The following C16orf46 variants were observed in gnomAD, a reference collection of about 807,000 sequenced individuals.
The protein encoded by C16orf46 is uncharacterized protein C16orf46.
C16orf46 carries 7 observed loss-of-function variants against 5.5 expected under a neutral mutation model. That is an observed-to-expected ratio of 1.28 (90% confidence interval 0.73 to 2.40). C16orf46 has a LOEUF of 2.40. Among genes scored for constraint, C16orf46 ranks in the 30% most tolerant of loss-of-function variants. C16orf46 has a pLI of 0.00. For synonymous variants in C16orf46, 200 were observed against 184.1 expected (o/e 1.09, Z -0.70); for missense variants, 614 against 476.0 (o/e 1.29, Z -2.70).
intron 1 of C16orf46, among the ~76,000 whole-genome samples, chr16:81,069,438 G>A (rs1485224716): frequency 6.6e-6 from 1 of 152,232 alleles, no homozygotes; most frequent in African/African-American, 2.4e-5. Flanking sequence ...CAACTGTGAT[G>A]CAGAGTGTGA....
At chr16:81,062,309 TAAA>T (rs201312033) in intron 3 of C16orf46, among the ~76,000 whole-genome samples, 171 bp from the exon 4 acceptor site, 1 of 149,550 alleles carries the variant, frequency 6.7e-6, no homozygotes, top group African/African-American at 2.5e-5. Context: ...TTCATTCACT[TAAA>T]AAAAAAATCC....
intron 1 of C16orf46, among the ~76,000 whole-genome samples, chr16:81,071,772 TCTCTAAGAGAATAA>T (rs1971862633): frequency 1.3e-5 from 2 of 151,964 alleles, no homozygotes; most frequent in South Asian, 4.2e-4. Flanking sequence ...ATATACCGAG[TCTCTAAGAGAATAA>T]CTCATTAGTG....
intron 3 of C16orf46, 45 bp from the exon 4 acceptor site, chr16:81,062,183 A>T (rs1427864215): frequency 6.7e-7 from 1 of 1,500,232 alleles, no homozygotes; most frequent in Non-Finnish European, 8.9e-7. Context: ...AGGGGCCCAA[A>T]CTGTCCTTGC....
intron 1 of C16orf46, chr16:81,076,809 C>G (rs1972058307): frequency 6.6e-6 from 1 of 152,536 alleles, no homozygotes; most frequent in Non-Finnish European, 1.5e-5. Flanking sequence ...CTAGCTCTTC[C>G]CCTTCCTCCG....
At chr16:81,075,226 A>C (rs781079812) in intron 1 of C16orf46, among the ~76,000 whole-genome samples, 2 of 150,786 alleles carry the variant, frequency 1.3e-5, no homozygotes, top group Non-Finnish European at 2.9e-5. Flanking sequence ...ACCTACCAAG[A>C]GTTATAGAAG....
intron 1 of C16orf46, chr16:81,070,040 G>C (rs902599102): frequency 1.3e-5 from 2 of 152,030 alleles, no homozygotes; most frequent in Non-Finnish European, 2.9e-5. Context: ...GCAGAGAACT[G>C]CTTGAACCCA....
At chr16:81,066,955 G>C (rs894999059) in intron 1 of C16orf46, among the ~76,000 whole-genome samples, 1 of 152,302 alleles carries the variant, frequency 6.6e-6, no homozygotes, top group Non-Finnish European at 1.5e-5. Context: ...AAATATGTAG[G>C]CCAGAAGGTA....
exon 4 of C16orf46, chr16:81,053,989 T>A: frequency 1.1e-5 from 16 of 1,438,052 alleles, no homozygotes; most frequent in Non-Finnish European, 1.6e-5. Flanking sequence ...CGCTTTTCCA[T>A]GTCCTGGGTG....
intron 2 of C16orf46, 108 bp from the exon 3 acceptor site, chr16:81,064,101 C>A (rs1016514046): frequency 4.9e-6 from 3 of 618,416 alleles, no homozygotes; most frequent in Non-Finnish European, 8.1e-6. Flanking sequence ...GGAATATGGC[C>A]GGCCGCGGTG....
intron 1 of C16orf46, chr16:81,072,089 A>AG (rs1269611570): frequency 6.6e-6 from 1 of 152,318 alleles, no homozygotes; most frequent in Non-Finnish European, 1.5e-5. Flanking sequence ...ACAGAATGGA[A>AG]GAAGCCTAGA....
chr16:81,060,130 T>C (rs1971421309), downstream of C16orf46, among the ~76,000 whole-genome samples: 2 of 151,930 alleles, frequency 1.3e-5, no homozygotes, highest in South Asian at 2.1e-4. Flanking sequence ...GGCTGGATTT[T>C]GTAGCACTGT....
chr16:81,065,868 C>T lies in C16orf46; in HGVS notation c.-39+325G>A, dbSNP rs141114616. Among the ~76,000 whole-genome samples, 782 of 150,686 alleles carry T rather than the reference C, an allele frequency of 5.2e-3. 7 individuals carry two copies. The highest frequency in any genetic ancestry group is 0.018 in the African/African-American group (749 of 40,542). On this transcript the variant is annotated intron_variant, in intron 2 of 3. Coordinates refer to ENST00000299578, the MANE Select transcript of C16orf46 (RefSeq NM_152337.3). ...TTTTGTTTTGTTTTTGAGACAGAGT[C>T]TCACTCTGTTGCCCATGCTGGAGTG...
chr16:81,054,055 G>C (rs1364047284), exon 4 of C16orf46: 2 of 1,609,572 alleles, frequency 1.2e-6, no homozygotes, highest in Admixed American at 1.7e-5. Flanking sequence ...GACTGAATGT[G>C]AAACTGATCC....
chr16:81,073,516 G>C (rs1025953582), intron 1 of C16orf46, among the ~76,000 whole-genome samples: 1 of 152,150 alleles, frequency 6.6e-6, no homozygotes, highest in African/African-American at 2.4e-5. Context: ...TGAATAGGAT[G>C]AAATATAACA....
At chr16:81,057,052 A>G (rs12928381), downstream of C16orf46, among the ~76,000 whole-genome samples, 3,687 of 151,756 alleles carry the variant, frequency 0.024, 87 homozygotes, top group African/African-American at 0.058. Flanking sequence ...TTGGCATCTA[A>G]TATGTCAAGG....
At position 81,053,968 on chromosome 16, in the gene C16orf46, T is replaced by C. The variant is rs28488803; in HGVS notation, c.*103A>G. The C allele has an allele frequency of 4.2e-3, 5,349 of 1,258,682 alleles. 138 individuals are homozygous for C. In the African/African-American group the frequency reaches 0.064, roughly 15 times the overall value. 78.0% of individuals were successfully genotyped at this position (1,258,682 alleles called of 1,614,324 possible). On this transcript the variant is annotated 3_prime_UTR_variant, in exon 4 of 4. Transcript: ENST00000378611. The stretch of plus-strand genomic sequence containing the variant: ...TTGCAGCGTTTGACTCTCTGCTTTC[T>C]GGTGATCCGCCGCTTTTCCATGTCC...
At chr16:81,074,830 GT>G (rs1971973994) in intron 1 of C16orf46, among the ~76,000 whole-genome samples, 1 of 145,636 alleles carries the variant, frequency 6.9e-6, no homozygotes, top group Non-Finnish European at 1.5e-5. Flanking sequence ...TATTCTTTTT[GT>G]TTTACTTAGA....
Position 81,061,824 on chromosome 16 carries a change from CCA to C in C16orf46, c.523_524del (p.Trp175GlyfsTer6), listed in dbSNP as rs780163711. 176 of 1,614,058 alleles carry C rather than the reference CCA, an allele frequency of 1.1e-4. No individual in the cohort carries two copies. Among genetic ancestry groups the C allele is most frequent in the Non-Finnish European group, 8.3e-5 (98 of 1,180,044 alleles). Reference sequence around the variant, plus strand: ...TGCCCCTATTAGTGCCGGGGATGGCCCAGTCTTTGTTGCACCAAATAAACTCC... The same window carrying C: ...TGCCCCTATTAGTGCCGGGGATGGCCGTCTTTGTTGCACCAAATAAACTCC... ...IKEFIWCNKD[W>X]AIPGTNRGKA... is the part of the protein sequence containing the mutation. On this transcript the variant is annotated frameshift_variant, in exon 4 of 4. Transcript: ENST00000299578. LOFTEE classifies it low-confidence loss of function (END_TRUNC).
chr16:81,062,094 C>T lies in C16orf46; in HGVS notation c.255G>A (p.Pro85=), dbSNP rs149945062. 2.4e-4 allele frequency: 386 copies of T among 1,605,754 alleles called. 1 individual carries two copies. In the African/African-American group the frequency reaches 4.2e-3, roughly 18 times the overall value. ...CCCTCGCCTTTTTTGGTATCTTCCT[C>T]GGCCAGATGCAGGCAGCTGGAGAAG... is the stretch of plus-strand genomic sequence containing the variant. The part of the protein sequence containing the change: ...GRTSPAACIW[P]RKIPKKARVG... The change falls in exon 4 of 4, where the codon CCG becomes CCA. Residue 85 remains proline, a synonymous_variant. Coordinates refer to ENST00000299578, the MANE Select transcript of C16orf46 (RefSeq NM_152337.3).
Sources: gnomAD v4.1 joint callset for allele counts (sites outside exome capture counted in the v4.1 genomes callset) on GRCh38, gnomAD v4.1.1 for gene constraint, MANE v1.5 for transcripts, NCBI Gene and HGNC (gene_info 2026-07-23, HGNC 2026-07-21) for gene names.